The following GNG7 variants were observed in gnomAD, a reference collection of about 807,000 sequenced individuals.
GNG7 encodes the protein G protein subunit gamma 7.
Under a neutral mutation model 4.0 loss-of-function variants are expected in GNG7, and 1 was observed. The ratio of observed to expected loss-of-function variants is 0.25; its 90% CI spans 0.09 to 1.18. The LOEUF (loss-of-function observed/expected upper bound fraction) is 1.18, where lower values mean the gene tolerates loss of function less well. Ranked by LOEUF, GNG7 falls within the 50% of genes most tolerant of loss-of-function variation. The pLI is 0.50. For synonymous variants in GNG7, 34 were observed against 36.9 expected (o/e 0.92, Z 0.29); for missense variants, 86 against 91.9 (o/e 0.94, Z 0.26).
intron 1 of GNG7, among the ~76,000 whole-genome samples, chr19:2,661,302 G>GAAAGAAAA: frequency 2.7e-5 from 2 of 73,122 alleles, no homozygotes; most frequent in African/African-American, 1.1e-4. Flanking sequence ...AAGAAAGAAA[G>GAAAGAAAA]AGAAAGAAAG....
chr19:2,520,942 T>C (rs1978304961), intron 3 of GNG7, among the ~76,000 whole-genome samples: 1 of 152,074 alleles, frequency 6.6e-6, no homozygotes, highest in South Asian at 2.1e-4. Context: ...CTGTGGGAGT[T>C]TGCAGAACGA....
chr19:2,697,624 C>A (rs937947757), intron 1 of GNG7, among the ~76,000 whole-genome samples: 1 of 152,236 alleles, frequency 6.6e-6, no homozygotes, highest in African/African-American at 2.4e-5. Flanking sequence ...AGGCGCCCGA[C>A]ATCAACAAGG....
At chr19:2,515,490 C>T (rs191677104) in intron 4 of GNG7, among the ~76,000 whole-genome samples, 293 of 151,834 alleles carry the variant, frequency 1.9e-3, no homozygotes, top group Non-Finnish European at 3.5e-3. Context: ...TGCAGTGGCA[C>T]GATCTCGGCT....
intron 3 of GNG7, among the ~76,000 whole-genome samples, chr19:2,528,143 T>G (rs1978469884): frequency 6.6e-6 from 1 of 151,674 alleles, no homozygotes; most frequent in Non-Finnish European, 1.5e-5. Context: ...TGGTAGTGCG[T>G]GCCTGTAATT....
intron 3 of GNG7, among the ~76,000 whole-genome samples, chr19:2,526,079 T>C (rs1045204365): frequency 4.0e-5 from 6 of 150,770 alleles, no homozygotes; most frequent in African/African-American, 1.2e-4. Context: ...CACGCCATTC[T>C]CCTGCTTCAG....
At chr19:2,601,060 G>A (rs536015129) in intron 2 of GNG7, among the ~76,000 whole-genome samples, 77 of 152,144 alleles carry the variant, frequency 5.1e-4, no homozygotes, top group Non-Finnish European at 4.7e-4. Context: ...GCTTGAGCCC[G>A]GGAGTTTGAG....
intron 3 of GNG7, among the ~76,000 whole-genome samples, chr19:2,539,820 G>C (rs541592966): frequency 3.8e-5 from 5 of 130,008 alleles, no homozygotes; most frequent in Non-Finnish European, 8.4e-5. Flanking sequence ...ACACACCATC[G>C]CAGGAACTCA....
At chr19:2,523,381 C>A (rs1169373480) in intron 3 of GNG7, among the ~76,000 whole-genome samples, 1 of 151,656 alleles carries the variant, frequency 6.6e-6, no homozygotes, top group African/African-American at 2.4e-5. Context: ...GCAAGACCCC[C>A]TCTCTACAAA....
At chr19:2,667,415 A>G (rs925960142) in intron 1 of GNG7, among the ~76,000 whole-genome samples, 5 of 152,162 alleles carry the variant, frequency 3.3e-5, no homozygotes, top group Non-Finnish European at 7.3e-5. Context: ...CTTACCATCT[A>G]TCTTCTGTGC....
intron 2 of GNG7, among the ~76,000 whole-genome samples, chr19:2,565,373 G>T (rs10403166): frequency 0.022 from 3,366 of 152,062 alleles, 114 homozygotes; most frequent in African/African-American, 0.075. Context: ...TTAGCTGGAC[G>T]TGGTGGCACA....
chr19:2,517,258 G>A (rs1329324854), intron 4 of GNG7, among the ~76,000 whole-genome samples: 1 of 152,020 alleles, frequency 6.6e-6, no homozygotes, highest in Non-Finnish European at 1.5e-5. Flanking sequence ...GCTCAATGCA[G>A]CCTCCACCTC....
intron 3 of GNG7, among the ~76,000 whole-genome samples, chr19:2,551,590 C>CAAATATATATTTTTAAATATGT (rs1568240124): frequency 8.2e-6 from 1 of 122,576 alleles, no homozygotes; most frequent in East Asian, 2.9e-4. Flanking sequence ...TATAAATATG[C>CAAATATATATTTTTAAATATGT]ATTTATAAAT....
At chr19:2,658,183 C>G (rs1022673678) in intron 1 of GNG7, among the ~76,000 whole-genome samples, 1 of 152,154 alleles carries the variant, frequency 6.6e-6, no homozygotes, top group Non-Finnish European at 1.5e-5. Flanking sequence ...GAAAAACCCA[C>G]AGACCCTATA....
intron 3 of GNG7, among the ~76,000 whole-genome samples, chr19:2,553,697 G>A (rs7252807): frequency 0.79 from 114,326 of 145,176 alleles, 45,284 homozygotes; most frequent in African/African-American, 0.83. Context: ...ACACACATGT[G>A]CACATTACAT....
intron 3 of GNG7, among the ~76,000 whole-genome samples, chr19:2,533,039 C>T (rs890596945): frequency 5.3e-5 from 8 of 151,984 alleles, no homozygotes; most frequent in African/African-American, 1.9e-4. Context: ...CTGGAAACAA[C>T]CCAAATGCCT....
chr19:2,598,675 T>TAA (rs1285729319), intron 2 of GNG7, among the ~76,000 whole-genome samples: 3 of 93,390 alleles, frequency 3.2e-5, no homozygotes, highest in Non-Finnish European at 6.3e-5. Flanking sequence ...TGAAAAGTAA[T>TAA]AAAATAATAA....
rs560060652 is a variant in GNG7, at chr19:2,677,931, C to T, written c.-135+24715G>A. ...GTCCACAGTGACAGAGAGTGATAAC[C>T]GCTGCCATAATCTATAGGACTGACC... On this transcript the variant is annotated intron_variant, in intron 1 of 4. Transcript: ENST00000382159. Among the ~76,000 whole-genome samples, 19 of 152,272 alleles carry T rather than the reference C, an allele frequency of 1.2e-4. No individual in the cohort carries two copies. In the East Asian group the frequency reaches 2.5e-3, roughly 20 times the overall value.
At chr19:2,582,502 A>G (rs529941069) in intron 2 of GNG7, among the ~76,000 whole-genome samples, 4 of 150,388 alleles carry the variant, frequency 2.7e-5, no homozygotes, top group African/African-American at 9.7e-5. Context: ...TTTTTTTTTG[A>G]GACAGGGTCT....
At chr19:2,698,389 C>A (rs1051835299) in intron 1 of GNG7, among the ~76,000 whole-genome samples, 9 of 151,892 alleles carry the variant, frequency 5.9e-5, no homozygotes, top group Non-Finnish European at 1.0e-4. Context: ...TATGGTGAAA[C>A]CCCGTCTCTA....
Sources: gnomAD v4.1 joint callset for allele counts (sites outside exome capture counted in the v4.1 genomes callset) on GRCh38, gnomAD v4.1.1 for gene constraint, MANE v1.5 for transcripts, NCBI Gene and HGNC (gene_info 2026-07-23, HGNC 2026-07-21) for gene names.